The following PCDH15 variants were observed in gnomAD, a reference collection of about 807,000 sequenced individuals.
PCDH15 encodes the protein protocadherin-15.
PCDH15 carries 129 observed loss-of-function variants against 178.5 expected under a neutral mutation model. The ratio of observed to expected loss-of-function variants is 0.72; its 90% CI spans 0.63 to 0.84. The LOEUF (loss-of-function observed/expected upper bound fraction) is 0.84. PCDH15 is among the 40% of genes least tolerant of loss of function. The pLI is 0.00. For synonymous variants in PCDH15, 800 were observed against 732.0 expected (o/e 1.09, Z -1.50); for missense variants, 2,230 against 2,099.9 (o/e 1.06, Z -1.21).
At chr10:54,384,615 A>G (rs1199213024) in intron 3 of PCDH15, among the ~76,000 whole-genome samples, 1 of 152,164 alleles carries the variant, frequency 6.6e-6, no homozygotes, top group Non-Finnish European at 1.5e-5. Flanking sequence ...ATTTATCAAC[A>G]TCACAGTAGT....
chr10:55,105,725 T>A (rs1354560411), intron 2 of PCDH15, among the ~76,000 whole-genome samples: 1 of 152,146 alleles, frequency 6.6e-6, no homozygotes, highest in East Asian at 1.9e-4. Context: ...AAGGCTCTCC[T>A]AAACAGAAGA....
chr10:54,062,609 T>G (rs2135764864), intron 18 of PCDH15, among the ~76,000 whole-genome samples: 1 of 152,244 alleles, frequency 6.6e-6, no homozygotes, highest in East Asian at 1.9e-4. Context: ...CGTTTTAGTT[T>G]TTATGAAAAC....
rs146070132 is a variant in PCDH15, at chr10:55,265,311, G to GATATATATATATATATATATATAT, written c.-156+54287_-156+54288insATATATATATATATATATATATAT. On this transcript the variant is annotated intron_variant, in intron 1 of 5. Coordinates refer to the PCDH15 transcript ENST00000458638. ...GATAGATATAGAGATGTATCTCTAT[G>GATATATATATATATATATATATAT]ATATATATATATATATAGACATAGA... 1.8e-3 allele frequency among the ~76,000 whole-genome samples: 254 copies of GATATATATATATATATATATATAT among 144,154 alleles called. 9 individuals are homozygous for GATATATATATATATATATATATAT. The highest frequency in any genetic ancestry group is 6.5e-3 in the African/African-American group (242 of 37,438). 94.6% of individuals were successfully genotyped at this position (144,154 alleles called of 152,430 possible).
At chr10:53,971,219 A>C (rs879515439) in intron 21 of PCDH15, among the ~76,000 whole-genome samples, 12 of 152,154 alleles carry the variant, frequency 7.9e-5, no homozygotes, top group Admixed American at 3.3e-4. Context: ...CAGAAAAGGC[A>C]TTTGACAAAA....
intron 1 of PCDH15, among the ~76,000 whole-genome samples, chr10:55,178,828 G>A (rs938724407): frequency 1.3e-5 from 2 of 151,930 alleles, no homozygotes; most frequent in Non-Finnish European, 2.9e-5. Flanking sequence ...CTTTGCCAAG[G>A]ACCCCTAATC....
At chr10:55,194,205 T>TTC (rs1047426290) in intron 1 of PCDH15, among the ~76,000 whole-genome samples, 9 of 152,070 alleles carry the variant, frequency 5.9e-5, no homozygotes, top group Non-Finnish European at 1.3e-4. Context: ...TAGTGATTCA[T>TTC]TGTCTTTCTT....
At chr10:54,644,420 A>G (rs925030021) in intron 2 of PCDH15, among the ~76,000 whole-genome samples, 3 of 151,808 alleles carry the variant, frequency 2.0e-5, no homozygotes, top group Admixed American at 6.6e-5. Context: ...TGTTGACTGT[A>G]TAAAAGTATG....
intron 8 of PCDH15, among the ~76,000 whole-genome samples, chr10:54,288,122 C>A (rs1321666044): frequency 1.3e-5 from 2 of 151,912 alleles, no homozygotes; most frequent in African/African-American, 4.8e-5. Flanking sequence ...AGGAGTTCAA[C>A]ACCAACCTGG....
chr10:55,094,478 A>G (rs4370839), intron 2 of PCDH15, among the ~76,000 whole-genome samples: 48,690 of 151,766 alleles, frequency 0.32, 8,302 homozygotes, highest in African/African-American at 0.44. Context: ...CCAACATGGC[A>G]CATGTACATA....
chr10:54,679,981 A>G (rs903167578), intron 1 of PCDH15, among the ~76,000 whole-genome samples: 8 of 152,208 alleles, frequency 5.3e-5, no homozygotes, highest in Non-Finnish European at 1.2e-4. Flanking sequence ...AGTATATGCT[A>G]TATTAACATA....
chr10:54,793,361 G>A (rs1056449101), intron 1 of PCDH15, among the ~76,000 whole-genome samples: 16 of 151,818 alleles, frequency 1.1e-4, no homozygotes, highest in African/African-American at 3.4e-4. Flanking sequence ...CAGAGGCAAT[G>A]AGGCAGTATA....
intron 26 of PCDH15, among the ~76,000 whole-genome samples, chr10:53,900,213 C>CTCTCTCTCTCTCTAAACTT (rs2082242774): frequency 1.6e-4 from 2 of 12,374 alleles, no homozygotes; most frequent in Non-Finnish European, 2.7e-4. Flanking sequence ...TAAACTTTCT[C>CTCTCTCTCTCTCTAAACTT]TCTCTCTCTC....
At chr10:55,585,203 A>G (rs1842702429) in intron 2 of PCDH15, among the ~76,000 whole-genome samples, 1 of 152,034 alleles carries the variant, frequency 6.6e-6, no homozygotes, top group African/African-American at 2.4e-5. Flanking sequence ...TGTTTTGTTC[A>G]CTCTTCCTGG....
chr10:55,530,006 G>A (rs1158159110), intron 2 of PCDH15, among the ~76,000 whole-genome samples: 2 of 151,392 alleles, frequency 1.3e-5, no homozygotes, highest in Admixed American at 6.6e-5. Context: ...AATTACCTGA[G>A]TGCAATAGGA....
intron 13 of PCDH15, among the ~76,000 whole-genome samples, chr10:54,154,720 C>A (rs2044914049): frequency 1.3e-5 from 2 of 151,838 alleles, no homozygotes; most frequent in African/African-American, 2.4e-5. Flanking sequence ...GACATAGCAG[C>A]AAAAAATAAT....
chr10:55,562,338 T>C (rs1053066780), intron 2 of PCDH15, among the ~76,000 whole-genome samples: 2 of 151,968 alleles, frequency 1.3e-5, no homozygotes, highest in African/African-American at 4.8e-5. Context: ...ATTCAATTAG[T>C]TTTGAAATAT....
At chr10:55,400,816 C>T (rs1284155040) in intron 2 of PCDH15, among the ~76,000 whole-genome samples, 1 of 152,076 alleles carries the variant, frequency 6.6e-6, no homozygotes, top group Non-Finnish European at 1.5e-5. Context: ...AACATCTCTG[C>T]CCAGATGAAT....
chr10:54,974,833 T>C (rs1839027909), intron 2 of PCDH15, among the ~76,000 whole-genome samples: 2 of 152,162 alleles, frequency 1.3e-5, no homozygotes, highest in Admixed American at 6.5e-5. Flanking sequence ...AAAGTAGACA[T>C]GAATTTTAGA....
chr10:53,913,646 A>C (rs1295508968), intron 25 of PCDH15, among the ~76,000 whole-genome samples: 1 of 151,722 alleles, frequency 6.6e-6, no homozygotes, highest in Non-Finnish European at 1.5e-5. Flanking sequence ...CGGGAGGCTG[A>C]GGCAGGAGAA....
Sources: gnomAD v4.1 joint callset for allele counts (sites outside exome capture counted in the v4.1 genomes callset) on GRCh38, gnomAD v4.1.1 for gene constraint, MANE v1.5 for transcripts, NCBI Gene and HGNC (gene_info 2026-07-23, HGNC 2026-07-21) for gene names.